The following FNTB variants were observed in gnomAD, a reference collection of about 807,000 sequenced individuals.
The protein encoded by FNTB is protein farnesyltransferase subunit beta.
Under a neutral mutation model 59.4 loss-of-function variants are expected in FNTB, and 27 were observed. The ratio of observed to expected loss-of-function variants is 0.45; its 90% CI spans 0.34 to 0.63. The LOEUF is 0.63. Among genes scored for constraint, FNTB ranks in the 20% least tolerant of loss-of-function variants. FNTB has a pLI of 0.02. For synonymous variants in FNTB, 230 were observed against 220.7 expected (o/e 1.04, Z -0.37); for missense variants, 449 against 559.6 (o/e 0.80, Z 1.99).
rs533788083 is a variant in FNTB, at chr14:65,037,259, A to G, written c.693-3531A>G. On this transcript the variant is annotated intron_variant, in intron 7 of 11. Coordinates refer to ENST00000246166, the MANE Select transcript of FNTB (RefSeq NM_002028.4). ...GCTGGGACTACAGAAGCCCACGACC[A>G]CGCCCAGCTAATTTTTGTATTTTTA... is the stretch of plus-strand genomic sequence containing the variant. Among the ~76,000 whole-genome samples, 91 of 150,174 alleles carry G rather than the reference A, an allele frequency of 6.1e-4. 1 individual carries two copies. Among genetic ancestry groups the G allele is most frequent in the Non-Finnish European group, 9.8e-4 (66 of 67,568 alleles).
rs766780991 is a variant in FNTB at position 64,986,935 on chromosome 14, G to C, written c.-19G>C. ...TTAACGAAGCAGAGTCCTACACACT[G>C]TCTGCTGCTCTCCTGATCATGGCTT... On this transcript the variant is annotated 5_prime_UTR_variant, in exon 1 of 12. Transcript: ENST00000246166. 5.0e-6 allele frequency: 8 copies of C among 1,613,666 alleles called. No homozygotes were observed. In the African/African-American group the frequency reaches 9.3e-5, roughly 19 times the overall value.
At chr14:65,055,771 C>T (rs1278988054) in intron 11 of FNTB, among the ~76,000 whole-genome samples, 1 of 152,172 alleles carries the variant, frequency 6.6e-6, no homozygotes, top group Non-Finnish European at 1.5e-5. Flanking sequence ...CCTGCCTCAG[C>T]CTCCCAAGGT....
chr14:65,059,823 T>G (rs930447491), intron 11 of FNTB, among the ~76,000 whole-genome samples: 1 of 149,146 alleles, frequency 6.7e-6, no homozygotes, highest in Non-Finnish European at 1.5e-5. Context: ...ATATTAGGGT[T>G]GTGGTCCTTT....
rs1249905267 is a variant in FNTB, at chr14:65,054,576, T to G, written c.1069T>G (p.Ser357Ala). ...AGGLLDKPGKSRDFYHTCYCL... is the reference protein window; with the variant it reads ...AGGLLDKPGKARDFYHTCYCL... ...GCTCAGAGCTGCCTGTCCTTACAGG[T>G]CGCGTGATTTCTACCACACCTGCTA... Residue 357 changes from serine (S) to alanine (A), a missense_variant and splice_region_variant, in exon 11 of 12, where the codon TCG becomes GCG. Around this residue, in one of 2 missense-constraint regions of FNTB, gnomAD observed 337 missense variants for 479.1 expected, o/e 0.70. Coordinates refer to ENST00000246166, the MANE Select transcript of FNTB (RefSeq NM_002028.4). The surrounding 1 kb of genome is among the most constrained non-coding windows in gnomAD (Gnocchi z 4.4). 36 of 1,612,122 alleles carry G rather than the reference T, an allele frequency of 2.2e-5. No homozygotes were observed. The highest frequency in any genetic ancestry group is 2.9e-5 in the Non-Finnish European group (34 of 1,179,304).
rs530223753 is a variant in FNTB, at chr14:65,032,865, T to C, written c.692+169T>C. Among the ~76,000 whole-genome samples the C allele has an allele frequency of 4.9e-4, 75 of 152,350 alleles. No individual in the cohort carries two copies. Among genetic ancestry groups the C allele is most frequent in the African/African-American group, 1.6e-3 (67 of 41,578 alleles). ...TAAATACTTAAAATGTCTTCTTTTT[T>C]CCAAACTTTCTTTAATGTTATATTA... On this transcript the variant is annotated intron_variant, in intron 7 of 11. Transcript: ENST00000246166. This position sits in a 1 kb window ranked among gnomAD's most constrained non-coding sequence, Gnocchi z 5.0.
At chr14:65,015,215 G>T (rs1187056612) in intron 3 of FNTB, among the ~76,000 whole-genome samples, 2 of 151,040 alleles carry the variant, frequency 1.3e-5, no homozygotes, top group African/African-American at 2.4e-5. Context: ...TGATTCTCCT[G>T]CTTCGGCCTC....
intron 11 of FNTB, among the ~76,000 whole-genome samples, chr14:65,059,405 C>G (rs940439970): frequency 6.6e-6 from 1 of 151,874 alleles, no homozygotes; most frequent in African/African-American, 2.4e-5. Flanking sequence ...TTTGATACTA[C>G]TTGCCTGAGA....
At chr14:65,039,087 C>T (rs1348777840) in intron 7 of FNTB, among the ~76,000 whole-genome samples, 1 of 152,226 alleles carries the variant, frequency 6.6e-6, no homozygotes. Context: ...TGGTACTCTA[C>T]AGCTGTCTGT....
chr14:64,993,621 A>G (rs1392793415), intron 1 of FNTB, among the ~76,000 whole-genome samples: 1 of 152,190 alleles, frequency 6.6e-6, no homozygotes, highest in East Asian at 1.9e-4. Flanking sequence ...CTTCAATGAC[A>G]TGAATCTTAG....
intron 1 of FNTB, among the ~76,000 whole-genome samples, chr14:64,999,964 T>C (rs991918819): frequency 1.3e-5 from 2 of 152,214 alleles, no homozygotes; most frequent in Non-Finnish European, 2.9e-5. Flanking sequence ...TCAGGTGTCT[T>C]AGCTTAGAAA....
At position 65,044,080 on chromosome 14, in the gene FNTB, T is replaced by C. The variant is rs1230697706; in HGVS notation, c.823-231T>C. Among the ~76,000 whole-genome samples the C allele has an allele frequency of 2.0e-5, 3 of 152,130 alleles. No homozygotes were observed. Among genetic ancestry groups the C allele is most frequent in the African/African-American group, 4.8e-5 (2 of 41,418 alleles). Reference sequence around the variant, plus strand: ...GGAAAAGGTAGTTGTCTGCCAGGCATTGAGCAGAGATCAGTGCTGGATGCC... The same window carrying C: ...GGAAAAGGTAGTTGTCTGCCAGGCACTGAGCAGAGATCAGTGCTGGATGCC... On this transcript the variant is annotated intron_variant, in intron 8 of 11. Coordinates refer to ENST00000246166, the MANE Select transcript of FNTB (RefSeq NM_002028.4). The surrounding 1 kb of genome is among the most constrained non-coding windows in gnomAD (Gnocchi z 5.5).
chr14:65,055,504 AT>A (rs900695593), intron 11 of FNTB, among the ~76,000 whole-genome samples: 71 of 151,452 alleles, frequency 4.7e-4, no homozygotes, highest in Admixed American at 5.9e-4. Context: ...GTTTAAAAAA[AT>A]TTTTTTTTTA....
Position 65,053,291 on chromosome 14 carries a change from G to C in FNTB, c.1009G>C (p.Glu337Gln). 6.8e-7 allele frequency: 1 copy of C among 1,468,512 alleles called. No individual in the cohort carries two copies. The highest frequency in any genetic ancestry group is 9.1e-7 in the Non-Finnish European group (1 of 1,102,712). The allele number at this position is 1,468,512 out of a possible 1,614,324, so 91.0% of individuals were successfully genotyped here. ...HWMFHQQALQ[E>Q]YILMCCQCPA... ...GATGTTCCATCAGCAGGCCCTGCAG[G>C]AGTACATCCTGATGTGCTGCCAGTG... The change falls in exon 10 of 12, where the codon GAG becomes CAG. Residue 337 changes from glutamate (E) to glutamine (Q), a missense_variant. Transcript: ENST00000246166.
intron 7 of FNTB, among the ~76,000 whole-genome samples, chr14:65,037,955 G>T (rs1367784976): frequency 6.6e-6 from 1 of 150,608 alleles, no homozygotes; most frequent in South Asian, 2.1e-4. Context: ...AATTTTTACG[G>T]GGTTTCGCCA....
At chr14:65,006,103 T>G in intron 2 of FNTB, 1 of 1,584,230 alleles carries the variant, frequency 6.3e-7, no homozygotes, top group Non-Finnish European at 8.6e-7. Context: ...TCTAGGTACT[T>G]CTGCTTACTG....
intron 1 of FNTB, among the ~76,000 whole-genome samples, chr14:64,993,092 G>A (rs1289717276): frequency 6.6e-6 from 1 of 152,110 alleles, no homozygotes; most frequent in Non-Finnish European, 1.5e-5. Flanking sequence ...GACTCCCAAA[G>A]TACAGGCATG....
Position 65,032,538 on chromosome 14 carries a change from G to T in FNTB, c.606-72G>T. On this transcript the variant is annotated intron_variant, in intron 6 of 11. Transcript: ENST00000246166. The surrounding 1 kb of genome is among the most constrained non-coding windows in gnomAD (Gnocchi z 5.0). ...GCTTACTAGGCAAGGCGAGCAGTCCGCCCGCGGAGTTCACTGAGCCTCATT... is the reference window on the plus strand; with the variant it reads ...GCTTACTAGGCAAGGCGAGCAGTCCTCCCGCGGAGTTCACTGAGCCTCATT... 1 of 1,558,912 alleles carries T rather than the reference G, an allele frequency of 6.4e-7. No individual in the cohort carries two copies. Among genetic ancestry groups the T allele is most frequent in the South Asian group, 1.2e-5 (1 of 85,802 alleles).
rs1888362632 is a variant in FNTB, at chr14:64,995,635, A to T, written c.144+8538A>T. Among the ~76,000 whole-genome samples, 4 of 151,466 alleles carry T rather than the reference A, an allele frequency of 2.6e-5. No homozygotes were observed. The South Asian group carries it at 8.3e-4, about 31-fold the overall frequency. ...GCACATTACTATATTAGTTTATATCATATATGTGTGTATAGTTTATAAGTT... is the reference window on the plus strand; with the variant it reads ...GCACATTACTATATTAGTTTATATCTTATATGTGTGTATAGTTTATAAGTT... On this transcript the variant is annotated intron_variant, in intron 1 of 11. Transcript: ENST00000246166.
chr14:65,050,361 C>T (rs922295443), intron 9 of FNTB, among the ~76,000 whole-genome samples: 2 of 152,224 alleles, frequency 1.3e-5, no homozygotes, highest in South Asian at 2.1e-4. Flanking sequence ...TTTGGGAAGC[C>T]GAGTTGGGCA....
Sources: gnomAD v4.1 joint callset for allele counts (sites outside exome capture counted in the v4.1 genomes callset) on GRCh38, gnomAD v4.1.1 for gene constraint, gnomAD v4.1.1 regional missense constraint, Gnocchi (gnomAD v3.1) non-coding constraint, MANE v1.5 for transcripts, NCBI Gene and HGNC (gene_info 2026-07-23, HGNC 2026-07-21) for gene names.